Variants in IARS2 observed in about 807,000 individuals in gnomAD.
The protein encoded by IARS2 is isoleucine--tRNA ligase, mitochondrial.
A neutral mutation model predicts 126.3 loss-of-function variants in IARS2; 56 were observed. The ratio of observed to expected loss-of-function variants is 0.44; its 90% CI spans 0.36 to 0.55. IARS2 has a LOEUF of 0.55. IARS2 is among the 20% of genes least tolerant of loss of function. The pLI, the probability that IARS2 is intolerant of heterozygous loss-of-function variation, is 0.00. For synonymous variants in IARS2, 407 were observed against 441.1 expected (o/e 0.92, Z 0.97); for missense variants, 1,127 against 1,245.9 (o/e 0.90, Z 1.44).
At chr1:220,125,430 A>T (rs779812152) in intron 13 of IARS2, 91 bp downstream of exon 13, 2 of 755,922 alleles carry the variant, frequency 2.6e-6, no homozygotes, top group Non-Finnish European at 4.4e-6. Flanking sequence ...AAATTATCTT[A>T]TGTAAAGTTA....
chr1:220,140,153 T>C (rs778825335), intron 18 of IARS2, 30 bp from the exon 19 acceptor site: 3 of 1,312,924 alleles, frequency 2.3e-6, no homozygotes. Flanking sequence ...CTGTCTCAGC[T>C]TCCAAATTTA....
intron 3 of IARS2, 81 bp from the exon 4 acceptor site, chr1:220,102,048 T>G: frequency 2.3e-6 from 3 of 1,329,480 alleles, no homozygotes; most frequent in Non-Finnish European, 3.2e-6. Context: ...AGCATTTGCA[T>G]TTAGAGAGAT....
chr1:220,108,966 C>T (rs17563587), intron 10 of IARS2, among the ~76,000 whole-genome samples: 21,568 of 148,214 alleles, frequency 0.15, 1,966 homozygotes, highest in Admixed American at 0.22. Context: ...TTCTGTTTCT[C>T]CCAATCGGCC....
chr1:220,130,164 A>G (rs1047352396), intron 14 of IARS2, among the ~76,000 whole-genome samples: 3 of 152,166 alleles, frequency 2.0e-5, no homozygotes, highest in African/African-American at 7.2e-5. Context: ...ACATCCTTTG[A>G]GAAATGTCTG....
At chr1:220,136,271 A>G (rs1020683316) in intron 15 of IARS2, among the ~76,000 whole-genome samples, 2 of 152,168 alleles carry the variant, frequency 1.3e-5, no homozygotes, top group Non-Finnish European at 2.9e-5. Flanking sequence ...ATCTGGGACT[A>G]CTGGCACACA....
At chr1:220,146,440 C>T (rs1240784660) in intron 22 of IARS2, among the ~76,000 whole-genome samples, 2 of 141,666 alleles carry the variant, frequency 1.4e-5, no homozygotes, top group Admixed American at 1.5e-4. Flanking sequence ...ATGGCGTGAA[C>T]CCCGGAGGCG....
At chr1:220,110,524 C>T (rs889990329) in intron 10 of IARS2, among the ~76,000 whole-genome samples, 1 of 152,136 alleles carries the variant, frequency 6.6e-6, no homozygotes, top group Non-Finnish European at 1.5e-5. Flanking sequence ...CACCACCATG[C>T]CCGGCTGATT....
intron 12 of IARS2, among the ~76,000 whole-genome samples, chr1:220,123,802 A>G (rs894277016): frequency 6.6e-6 from 1 of 152,228 alleles, no homozygotes; most frequent in Non-Finnish European, 1.5e-5. Context: ...ATTTATACTC[A>G]TTTGATTTTG....
At chr1:220,135,579 C>G (rs1179443909) in intron 15 of IARS2, among the ~76,000 whole-genome samples, 1 of 152,202 alleles carries the variant, frequency 6.6e-6, no homozygotes, top group East Asian at 1.9e-4. Flanking sequence ...AGGCTGGTCT[C>G]AAACTCCTGC....
At chr1:220,143,903 G>C (rs1657535779) in intron 21 of IARS2, 5 of 811,046 alleles carry the variant, frequency 6.2e-6, no homozygotes, top group Non-Finnish European at 1.0e-5. Flanking sequence ...AATTGGCAAT[G>C]AATATAATTT....
rs1657499490 is a variant in IARS2 at position 220,141,917 on chromosome 1, A to G, written c.2529A>G (p.Glu843=). 1.2e-6 allele frequency: 2 copies of G among 1,614,040 alleles called. No homozygotes were observed. Among genetic ancestry groups the G allele is most frequent in the African/African-American group, 1.3e-5 (1 of 74,942 alleles). ...SFAPILPHLA[E]EVFQHIPYIK... ...CTCCCATTCTTCCTCACCTGGCTGAAGAGGTGTTCCAGCACATACCTTATA... is the reference window on the plus strand; with the variant it reads ...CTCCCATTCTTCCTCACCTGGCTGAGGAGGTGTTCCAGCACATACCTTATA... The change falls in exon 20 of 23, where the codon GAA becomes GAG. Residue 843 remains glutamate (E), a synonymous_variant. Transcript: ENST00000366922.
At chr1:220,137,016 T>C (rs1657390758) in intron 16 of IARS2, 105 bp downstream of exon 16, 4 of 627,942 alleles carry the variant, frequency 6.4e-6, no homozygotes, top group Non-Finnish European at 1.1e-5. Flanking sequence ...AAACTATCTT[T>C]TATACTCTCA....
At chr1:220,096,630 A>G (rs1247969547) in intron 2 of IARS2, among the ~76,000 whole-genome samples, 1 of 152,228 alleles carries the variant, frequency 6.6e-6, no homozygotes, top group Non-Finnish European at 1.5e-5. Flanking sequence ...TAATACTACA[A>G]TCTGTTCACT....
chr1:220,102,548 C>T lies in IARS2; in HGVS notation c.803C>T (p.Ser268Leu). Residue 268 changes from serine (S) to leucine (L), a missense_variant, in exon 6 of 23, where the codon TCA (serine) becomes TTA (leucine). Coordinates refer to ENST00000366922, the MANE Select transcript of IARS2 (RefSeq NM_018060.4). ...LEYNPEHVSR[S>L]IYVKFPLLKP... ...TATAATCCTGAGCATGTCAGTCGTT[C>T]AATATATGTAAAATTTCCTCTCTTA... 6.2e-7 allele frequency: 1 copy of T among 1,613,902 alleles called. No individual in the cohort carries two copies. The highest frequency in any genetic ancestry group is 1.1e-5 in the South Asian group (1 of 91,062).
At chr1:220,108,947 A>C (rs1226386816) in intron 10 of IARS2, among the ~76,000 whole-genome samples, 1 of 139,764 alleles carries the variant, frequency 7.2e-6, no homozygotes, top group Non-Finnish European at 1.5e-5. Context: ...AAGCAGGTGG[A>C]CTATTGATTT....
intron 11 of IARS2, among the ~76,000 whole-genome samples, chr1:220,113,463 A>C (rs1656851379): frequency 6.6e-6 from 1 of 152,198 alleles, no homozygotes; most frequent in South Asian, 2.1e-4. Flanking sequence ...AATGAAGTTA[A>C]CATTTTGACC....
At chr1:220,136,381 C>T (rs1294727266) in intron 15 of IARS2, among the ~76,000 whole-genome samples, 1 of 152,216 alleles carries the variant, frequency 6.6e-6, no homozygotes, top group Non-Finnish European at 1.5e-5. Flanking sequence ...ATCTGCCTGC[C>T]TTGGCCTCCC....
In IARS2 at chr1:220,143,029, G is replaced by A. The variant is rs748375248; in HGVS notation, c.2646G>A (p.Ala882=). The A allele has an allele frequency of 9.3e-6, 15 of 1,613,994 alleles. No homozygotes were observed. The highest frequency in any genetic ancestry group is 1.3e-5 in the African/African-American group (1 of 74,922). The change falls in exon 21 of 23, where the codon GCG becomes GCA. Residue 882 remains alanine (A), a synonymous_variant. Coordinates refer to ENST00000366922, the MANE Select transcript of IARS2 (RefSeq NM_018060.4). ...KPGLEEAVES[A]CAMRDSFLGS... ...GGTTGGAAGAAGCTGTGGAGAGTGC[G>A]TGTGCAATGCGAGACTCATTTCTTG...
In IARS2 at chr1:220,094,361, A is replaced by G; in HGVS notation, c.145A>G (p.Ser49Gly). Residue 49 changes from serine (S) to glycine (G), a missense_variant, in exon 1 of 23, where the codon AGT becomes GGT. Coordinates refer to ENST00000366922, the MANE Select transcript of IARS2 (RefSeq NM_018060.4). Reference sequence around the variant, plus strand: ...TCTGGTGCGGTCGGTCTCCGGGGCCAGTAACCACCAGCCGAACTCGAATAG... The same window carrying G: ...TCTGGTGCGGTCGGTCTCCGGGGCCGGTAACCACCAGCCGAACTCGAATAG... ...RLLVRSVSGA[S>G]NHQPNSNSGR... 1 of 1,613,128 alleles carries G rather than the reference A, an allele frequency of 6.2e-7. No homozygotes were observed. The highest frequency in any genetic ancestry group is 8.5e-7 in the Non-Finnish European group (1 of 1,179,698).
Sources: allele counts gnomAD v4.1 joint callset (sites outside exome capture counted in the v4.1 genomes callset), GRCh38; gene constraint gnomAD v4.1.1; transcripts MANE v1.5; gene names NCBI Gene and HGNC (gene_info 2026-07-23, HGNC 2026-07-21).